IL34: variants seen among roughly 807,000 people sequenced by gnomAD.
IL34 encodes interleukin 34.
IL34 carries 17 observed loss-of-function variants against 25.3 expected under a neutral mutation model. The ratio of observed to expected loss-of-function variants is 0.67; its 90% confidence interval spans 0.46 to 1.01. The LOEUF is 1.01. Ranked by LOEUF, IL34 falls within the 50% of genes least tolerant of loss-of-function variation. The pLI is 0.00. For synonymous variants in IL34, 174 were observed against 140.9 expected (o/e 1.23, Z -1.66); for missense variants, 368 against 312.9 (o/e 1.18, Z -1.33).
intron 1 of IL34, among the ~76,000 whole-genome samples, chr16:70,634,961 A>C (rs2051609636): frequency 1.3e-5 from 2 of 152,324 alleles, no homozygotes; most frequent in East Asian, 3.9e-4. Context: ...ATTATGGCAC[A>C]GTTCATACGT....
intron 1 of IL34, among the ~76,000 whole-genome samples, chr16:70,608,137 T>C (rs911238731): frequency 1.0e-4 from 15 of 148,944 alleles, no homozygotes; most frequent in African/African-American, 3.0e-4. Context: ...TTTTTTTTTT[T>C]TTTTTTTTTG....
At chr16:70,651,312 G>C (rs923924601) in intron 1 of IL34, among the ~76,000 whole-genome samples, 1 of 152,168 alleles carries the variant, frequency 6.6e-6, no homozygotes, top group African/African-American at 2.4e-5. Flanking sequence ...GCTAAGCTGA[G>C]GGGTTCAGGA....
chr16:70,656,986 G>C lies in IL34; in HGVS notation c.267G>C (p.Glu89Asp). The C allele has an allele frequency of 6.2e-7, 1 of 1,611,236 alleles. No homozygotes were observed. Among genetic ancestry groups the C allele is most frequent in the South Asian group, 1.1e-5 (1 of 90,938 alleles). ...RLQRAQVSER[E>D]LRYLWVLVSL... ...AGAGGGCCCAGGTGAGCGAGCGGGA[G>C]CTGCGGTATCTGTGGGTCTTGGTGA... The change falls in exon 4 of 6, where the codon GAG becomes GAC. Residue 89 changes from glutamate to aspartate, a missense_variant. By Grantham distance (45) the Glu-to-Asp change is conservative (BLOSUM62 2). Transcript: ENST00000288098.
upstream of IL34, among the ~76,000 whole-genome samples, chr16:70,644,456 A>T (rs1428263377): frequency 1.3e-5 from 2 of 152,110 alleles, no homozygotes; most frequent in Admixed American, 1.3e-4. Flanking sequence ...AACTTCCACT[A>T]TAAAGGAATG....
intron 1 of IL34, among the ~76,000 whole-genome samples, chr16:70,597,999 CA>C (rs1399193448): frequency 2.0e-5 from 3 of 152,176 alleles, no homozygotes; most frequent in Non-Finnish European, 2.9e-5. Context: ...TGCCCGCCAC[CA>C]TGTCTAGCTA....
chr16:70,637,439 C>T (rs2051680344), intron 1 of IL34, among the ~76,000 whole-genome samples: 1 of 152,124 alleles, frequency 6.6e-6, no homozygotes, highest in Admixed American at 6.6e-5. Context: ...ACCTCTGCCT[C>T]TCGGGTTCAA....
upstream of IL34, among the ~76,000 whole-genome samples, chr16:70,642,819 G>A (rs535902320): frequency 2.0e-5 from 3 of 152,300 alleles, no homozygotes; most frequent in African/African-American, 7.2e-5. Flanking sequence ...AGACATGAAA[G>A]GTCCCGTATT....
chr16:70,646,585 T>C lies in IL34; in HGVS notation c.-363T>C. ...CACTGAGCAGCTGCAGTCGGAGAAA[T>C]CAGAGAAAGCGTCACCCAGCCCCAG... On this transcript the variant is annotated 5_prime_UTR_variant, in exon 1 of 6. Coordinates refer to ENST00000288098, the MANE Select transcript of IL34 (RefSeq NM_001393494.1). 3.2e-6 allele frequency: 1 copy of C among 308,206 alleles called. No individual in the cohort carries two copies. The highest frequency in any genetic ancestry group is 8.9e-4 in the Middle Eastern group (1 of 1,122). 19.1% of individuals were successfully genotyped at this position (308,206 alleles called of 1,614,324 possible).
At chr16:70,629,847 C>T (rs2051479303) in intron 1 of IL34, among the ~76,000 whole-genome samples, 1 of 151,844 alleles carries the variant, frequency 6.6e-6, no homozygotes, top group South Asian at 2.1e-4. Flanking sequence ...GCATTTTTAT[C>T]TTTTGTGTTA....
chr16:70,655,135 C>T (rs560757775), intron 2 of IL34, among the ~76,000 whole-genome samples: 12 of 151,962 alleles, frequency 7.9e-5, no homozygotes, highest in Middle Eastern at 3.4e-3. Context: ...TCACTGCAAC[C>T]TCCACCTCCC....
intron 1 of IL34, among the ~76,000 whole-genome samples, chr16:70,596,745 C>A (rs2050828937): frequency 6.6e-6 from 1 of 152,158 alleles, no homozygotes; most frequent in African/African-American, 2.4e-5. Context: ...AATTTCATTC[C>A]CTCTTTATTA....
intron 1 of IL34, among the ~76,000 whole-genome samples, chr16:70,621,850 T>C (rs2051290083): frequency 6.6e-6 from 1 of 151,804 alleles, no homozygotes; most frequent in Admixed American, 6.6e-5. Context: ...TGAGCCAGGA[T>C]GAGCCAGGAG....
chr16:70,660,117 C>T lies in IL34; in HGVS notation c.659C>T (p.Pro220Leu), dbSNP rs532486484. The change falls in exon 6 of 6, where the codon CCC (proline) becomes CTC (leucine). Residue 220 changes from proline (P) to leucine (L), a missense_variant. Coordinates refer to ENST00000288098, the MANE Select transcript of IL34 (RefSeq NM_001393494.1). Reference protein sequence around the residue: ...TQLYPPPPWSPSSPPHSTGSV... With the variant: ...TQLYPPPPWSLSSPPHSTGSV... The stretch of plus-strand genomic sequence containing the variant: ...CTGTACCCTCCGCCCCCGTGGTCCC[C>T]CAGCTCCCCGCCTCACTCCACGGGC... 2.8e-5 allele frequency: 45 copies of T among 1,613,208 alleles called. No individual in the cohort carries two copies. The South Asian group carries it at 4.6e-4, about 17-fold the overall frequency.
intron 4 of IL34, 146 bp downstream of exon 4, chr16:70,657,267 GA>G: frequency 1.2e-6 from 1 of 833,186 alleles, no homozygotes; most frequent in Non-Finnish European, 1.8e-6. Context: ...AGAAGTGGGG[GA>G]GGGGTGCAGG....
intron 1 of IL34, among the ~76,000 whole-genome samples, chr16:70,633,668 T>A (rs569028797): frequency 3.9e-5 from 6 of 152,302 alleles, no homozygotes; most frequent in African/African-American, 1.4e-4. Context: ...AAATGTATTC[T>A]GTCAAAGATC....
At chr16:70,626,840 C>G (rs1395591053) in intron 1 of IL34, among the ~76,000 whole-genome samples, 2 of 152,114 alleles carry the variant, frequency 1.3e-5, no homozygotes, top group Non-Finnish European at 2.9e-5. Flanking sequence ...AATTGAGAAG[C>G]TATTTTATCA....
chr16:70,592,106 C>A (rs1226424699), intron 1 of IL34, among the ~76,000 whole-genome samples: 1 of 151,992 alleles, frequency 6.6e-6, no homozygotes, highest in African/African-American at 2.4e-5. Flanking sequence ...GCTCCAGGTT[C>A]ATTCTTGTCT....
At chr16:70,642,385 C>A (rs2051807120), upstream of IL34, among the ~76,000 whole-genome samples, 1 of 148,040 alleles carries the variant, frequency 6.8e-6, no homozygotes. Context: ...GCAAACTTTG[C>A]CCTCTGAGTT....
chr16:70,639,744 A>G (rs1361389222), intron 1 of IL34, among the ~76,000 whole-genome samples: 2 of 152,204 alleles, frequency 1.3e-5, no homozygotes, highest in East Asian at 3.9e-4. Flanking sequence ...GCTTGAGCCC[A>G]GGAGTTTGAG....
Sources: gnomAD v4.1 joint callset for allele counts (sites outside exome capture counted in the v4.1 genomes callset) on GRCh38, gnomAD v4.1.1 for gene constraint, MANE v1.5 for transcripts, NCBI Gene and HGNC (gene_info 2026-07-23, HGNC 2026-07-21) for gene names.